PDE4B: variants seen among roughly 807,000 people sequenced by gnomAD.
PDE4B encodes 3',5'-cyclic-AMP phosphodiesterase 4B.
In PDE4B, 20 loss-of-function variants were observed where a neutral mutation model predicts 82.2. The observed-to-expected ratio is 0.24, with a 90% confidence interval of 0.17 to 0.35. The LOEUF (loss-of-function observed/expected upper bound fraction) is 0.35, where lower values mean the gene tolerates loss of function less well. Among genes scored for constraint, PDE4B ranks in the 10% least tolerant of loss-of-function variants. The probability of loss-of-function intolerance (pLI) is 1.00; values close to 1 mark genes in which losing one functional copy is unlikely to be tolerated. For missense variants in PDE4B, 655 were observed against 907.2 expected, an observed-to-expected ratio of 0.72 and a Z score of 3.57; for synonymous variants, 320 against 318.9, an observed-to-expected ratio of 1.00 and a Z score of -0.04.
intron 3 of PDE4B, among the ~76,000 whole-genome samples, chr1:66,162,032 T>G (rs1357516385): frequency 6.6e-6 from 1 of 152,156 alleles, no homozygotes; most frequent in Non-Finnish European, 1.5e-5. Flanking sequence ...CTCATCAGTG[T>G]AGAGTAGGTG....
At position 66,298,845 on chromosome 1, in the gene PDE4B, C is replaced by T. The variant is rs1327453423; in HGVS notation, c.634+32758C>T. Among the ~76,000 whole-genome samples the T allele has an allele frequency of 3.9e-5, 6 of 152,122 alleles. No homozygotes were observed. In the East Asian group the frequency reaches 1.2e-3, roughly 29 times the overall value. ...CATCACTGTAACCTGAAATGTCTTT[C>T]ACATGGATCTGAAAACATTTAGTGA... On this transcript the variant is annotated intron_variant, in intron 7 of 16. Coordinates refer to ENST00000341517, the MANE Select transcript of PDE4B (RefSeq NM_002600.4).
At chr1:66,122,625 G>A (rs1227430164) in intron 3 of PDE4B, among the ~76,000 whole-genome samples, 1 of 151,664 alleles carries the variant, frequency 6.6e-6, no homozygotes, top group Non-Finnish European at 1.5e-5. Flanking sequence ...GATTGAGATA[G>A]AGGAACATGA....
intron 3 of PDE4B, among the ~76,000 whole-genome samples, chr1:66,146,916 A>G (rs1646285754): frequency 6.6e-6 from 1 of 152,206 alleles, no homozygotes; most frequent in Non-Finnish European, 1.5e-5. Flanking sequence ...GTAAACACAA[A>G]GGACAAAGGA....
chr1:66,069,311 C>A (rs1441347542), intron 3 of PDE4B, among the ~76,000 whole-genome samples: 1 of 151,896 alleles, frequency 6.6e-6, no homozygotes, highest in Non-Finnish European at 1.5e-5. Context: ...TATTTTATGC[C>A]ACTCATAAAG....
At chr1:66,024,632 GA>G (rs1653335276) in intron 3 of PDE4B, among the ~76,000 whole-genome samples, 1 of 152,090 alleles carries the variant, frequency 6.6e-6, no homozygotes, top group Admixed American at 6.6e-5. Context: ...CCCTACAAAT[GA>G]TAACTTGATA....
intron 3 of PDE4B, among the ~76,000 whole-genome samples, chr1:66,146,473 C>T (rs1354037050): frequency 2.0e-5 from 3 of 152,082 alleles, no homozygotes; most frequent in Non-Finnish European, 4.4e-5. Flanking sequence ...CGTGAGCCAC[C>T]GTGCCTGGCC....
At chr1:66,078,892 C>T (rs1349358808) in intron 3 of PDE4B, among the ~76,000 whole-genome samples, 1 of 152,054 alleles carries the variant, frequency 6.6e-6, no homozygotes, top group Non-Finnish European at 1.5e-5. Context: ...GTGTGGGCCA[C>T]TTAGAGTTTT....
At chr1:66,324,489 A>G (rs1659613554) in intron 7 of PDE4B, among the ~76,000 whole-genome samples, 1 of 152,176 alleles carries the variant, frequency 6.6e-6, no homozygotes, top group African/African-American at 2.4e-5. Flanking sequence ...TTTTTCAAGG[A>G]AAAAAATGAG....
chr1:66,135,417 C>T lies in PDE4B; in HGVS notation c.282-112043C>T, dbSNP rs1646036574. Among the ~76,000 whole-genome samples the T allele has an allele frequency of 3.3e-5, 5 of 152,092 alleles. No homozygotes were observed. The South Asian group carries it at 1.0e-3, about 31-fold the overall frequency. The stretch of plus-strand genomic sequence containing the variant: ...CAGAGAGACAAGTCAGTCTCGCCAT[C>T]AGGGGAAGCAATGATGAAGATCTGA... On this transcript the variant is annotated intron_variant, in intron 3 of 16. Coordinates refer to ENST00000341517, the MANE Select transcript of PDE4B (RefSeq NM_002600.4).
intron 8 of PDE4B, among the ~76,000 whole-genome samples, chr1:66,339,329 T>C (rs538387087): frequency 3.7e-4 from 57 of 152,370 alleles, no homozygotes; most frequent in Non-Finnish European, 6.0e-4. Flanking sequence ...ATTAGTGCAA[T>C]TCAGTATTCC....
rs182218379 is a variant in PDE4B at position 66,206,070 on chromosome 1, G to A, written c.282-41390G>A. Among the ~76,000 whole-genome samples, 88 of 152,292 alleles carry A rather than the reference G, an allele frequency of 5.8e-4. 1 individual carries two copies. Among genetic ancestry groups the A allele is most frequent in the African/African-American group, 5.3e-4 (22 of 41,548 alleles). ...TCTCCCAGGACACTCATGGAGTGGCGATGGAAGTGTGGCTTCCAAGTTGTC... is the reference window on the plus strand; with the variant it reads ...TCTCCCAGGACACTCATGGAGTGGCAATGGAAGTGTGGCTTCCAAGTTGTC... On this transcript the variant is annotated intron_variant, in intron 3 of 16. Coordinates refer to ENST00000341517, the MANE Select transcript of PDE4B (RefSeq NM_002600.4).
chr1:66,237,576 C>T (rs1652558077), intron 3 of PDE4B, among the ~76,000 whole-genome samples: 1 of 152,190 alleles, frequency 6.6e-6, no homozygotes, highest in African/African-American at 2.4e-5. Context: ...GAAAACCAGT[C>T]TCATTTTCTG....
intron 7 of PDE4B, among the ~76,000 whole-genome samples, chr1:66,319,040 A>G (rs1473921308): frequency 6.6e-6 from 1 of 152,236 alleles, no homozygotes; most frequent in African/African-American, 2.4e-5. Context: ...TTGAAAGCGC[A>G]TGTCAACTGG....
At chr1:66,333,101 G>C (rs1283953868) in intron 8 of PDE4B, among the ~76,000 whole-genome samples, 1 of 152,144 alleles carries the variant, frequency 6.6e-6, no homozygotes, top group Non-Finnish European at 1.5e-5. Context: ...CTAAAAAGAA[G>C]GATATCCTGG....
intron 3 of PDE4B, among the ~76,000 whole-genome samples, chr1:66,124,453 T>C (rs1323778718): frequency 6.6e-6 from 1 of 152,228 alleles, no homozygotes; most frequent in Non-Finnish European, 1.5e-5. Flanking sequence ...TTCGGCAACA[T>C]CCAAGTAGAT....
intron 3 of PDE4B, among the ~76,000 whole-genome samples, chr1:66,104,151 G>A (rs930094369): frequency 6.3e-5 from 9 of 142,654 alleles, no homozygotes; most frequent in African/African-American, 2.1e-4. Flanking sequence ...ATGCGTTCTC[G>A]TTGTTCAATT....
chr1:66,089,810 C>T (rs961043662), intron 3 of PDE4B, among the ~76,000 whole-genome samples: 4 of 152,028 alleles, frequency 2.6e-5, no homozygotes, highest in African/African-American at 9.7e-5. Flanking sequence ...TCTTTGCTCA[C>T]AGGATAATTC....
At chr1:66,008,265 A>G (rs946314223) in intron 3 of PDE4B, among the ~76,000 whole-genome samples, 4 of 152,206 alleles carry the variant, frequency 2.6e-5, no homozygotes, top group African/African-American at 9.6e-5. Context: ...GGCATGGAAC[A>G]TAGACGATGG....
At chr1:66,024,630 A>G (rs1653334813) in intron 3 of PDE4B, among the ~76,000 whole-genome samples, 1 of 152,164 alleles carries the variant, frequency 6.6e-6, no homozygotes. Flanking sequence ...AGCCCTACAA[A>G]TGATAACTTG....
Sources: allele counts gnomAD v4.1 joint callset (sites outside exome capture counted in the v4.1 genomes callset), GRCh38; gene constraint gnomAD v4.1.1; transcripts MANE v1.5; gene names NCBI Gene and HGNC (gene_info 2026-07-23, HGNC 2026-07-21).